Variants in SLC39A12 observed in about 807,000 individuals in gnomAD.
SLC39A12 encodes solute carrier family 39 member 12, also known as zinc transporter ZIP12.
In SLC39A12, 63 loss-of-function variants were observed where a neutral mutation model predicts 71.1. That is an observed-to-expected ratio of 0.89 (90% CI 0.72 to 1.09). The LOEUF (loss-of-function observed/expected upper bound fraction) is 1.09, where lower values mean the gene tolerates loss of function less well. Ranked by LOEUF, SLC39A12 falls within the 50% of genes least tolerant of loss-of-function variation. The pLI is 0.00. For missense variants in SLC39A12, 892 were observed against 812.6 expected (o/e 1.10, Z -1.19); for synonymous variants, 351 against 301.3 (o/e 1.16, Z -1.71).
At chr10:18,035,993 C>T (rs1340083562) in intron 12 of SLC39A12, among the ~76,000 whole-genome samples, 1 of 152,190 alleles carries the variant, frequency 6.6e-6, no homozygotes, top group African/African-American at 2.4e-5. Context: ...CTTGAGGAGG[C>T]AGTCTGCCGG....
chr10:17,993,871 A>C (rs1203297297), intron 9 of SLC39A12, among the ~76,000 whole-genome samples: 1 of 152,238 alleles, frequency 6.6e-6, no homozygotes, highest in Non-Finnish European at 1.5e-5. Context: ...AAGTATAGGA[A>C]TGGGAAAAAT....
chr10:18,040,596 C>A (rs971394344), intron 12 of SLC39A12, among the ~76,000 whole-genome samples: 3 of 151,868 alleles, frequency 2.0e-5, no homozygotes, highest in African/African-American at 7.3e-5. Context: ...ATGAAGAAAC[C>A]CTGTCTCTAC....
intron 12 of SLC39A12, among the ~76,000 whole-genome samples, chr10:18,028,543 C>T (rs1019352549): frequency 1.3e-5 from 2 of 152,018 alleles, no homozygotes; most frequent in Non-Finnish European, 2.9e-5. Context: ...TGTGGATCAT[C>T]CTTCTTTGTG....
intron 12 of SLC39A12, among the ~76,000 whole-genome samples, chr10:18,034,643 T>G (rs534177754): frequency 1.1e-4 from 16 of 152,000 alleles, no homozygotes; most frequent in African/African-American, 3.4e-4. Context: ...TTTAGTCCAT[T>G]TACATTTAAA....
At chr10:18,037,383 A>G (rs540238997) in intron 12 of SLC39A12, among the ~76,000 whole-genome samples, 21 of 152,000 alleles carry the variant, frequency 1.4e-4, no homozygotes, top group Admixed American at 1.0e-3. Flanking sequence ...ATAGACAAGG[A>G]TGAATTTCAG....
At chr10:18,024,312 C>A (rs894635516) in intron 12 of SLC39A12, among the ~76,000 whole-genome samples, 1 of 152,024 alleles carries the variant, frequency 6.6e-6, no homozygotes, top group African/African-American at 2.4e-5. Flanking sequence ...GCCTGAAAAG[C>A]GGCTCTGCCC....
At chr10:17,999,131 A>T (rs1022538010) in intron 10 of SLC39A12, among the ~76,000 whole-genome samples, 1 of 151,958 alleles carries the variant, frequency 6.6e-6, no homozygotes, top group Non-Finnish European at 1.5e-5. Context: ...CCCCGTCTCT[A>T]CTAAAAATAC....
intron 12 of SLC39A12, among the ~76,000 whole-genome samples, chr10:18,031,503 T>C (rs1353162623): frequency 7.8e-6 from 1 of 127,640 alleles, no homozygotes; most frequent in African/African-American, 2.9e-5. Context: ...TTGTTTGTTT[T>C]TTTCTTGTAA....
chr10:17,994,304 T>C (rs140116412), intron 9 of SLC39A12, among the ~76,000 whole-genome samples: 475 of 152,314 alleles, frequency 3.1e-3, no homozygotes, highest in Non-Finnish European at 4.8e-3. Context: ...AATATACGCA[T>C]AATTCCTCTT....
intron 12 of SLC39A12, among the ~76,000 whole-genome samples, chr10:18,021,015 T>G (rs1404326391): frequency 6.6e-6 from 1 of 152,142 alleles, no homozygotes; most frequent in Non-Finnish European, 1.5e-5. Flanking sequence ...TGCAATTGCT[T>G]TTGGAGTCTC....
chr10:17,984,897 G>A (rs1490559272), intron 6 of SLC39A12, among the ~76,000 whole-genome samples: 2 of 152,148 alleles, frequency 1.3e-5, no homozygotes, highest in Non-Finnish European at 1.5e-5. Context: ...GTGGTAGTGG[G>A]GGTACGGGAA....
At chr10:17,998,254 A>T (rs1835740131) in intron 10 of SLC39A12, among the ~76,000 whole-genome samples, 2 of 152,208 alleles carry the variant, frequency 1.3e-5, no homozygotes, top group South Asian at 4.2e-4. Flanking sequence ...ATGATCAGAG[A>T]TAACAAAATA....
rs934452515 is a variant in SLC39A12 at position 18,030,962 on chromosome 10, A to G, written c.1948-11743A>G. On this transcript the variant is annotated intron_variant, in intron 12 of 12. Transcript: ENST00000377369. The stretch of plus-strand genomic sequence containing the variant: ...GATTTCCAATTTCATCCACGTCCCT[A>G]CAAAGGACATGAACTCACCATTTTT... 4.6e-5 allele frequency among the ~76,000 whole-genome samples: 7 copies of G among 151,854 alleles called. No individual in the cohort carries two copies. The East Asian group carries it at 1.2e-3, about 25-fold the overall frequency.
chr10:17,990,959 G>A (rs17658805), intron 7 of SLC39A12, among the ~76,000 whole-genome samples, 192 bp from the exon 8 acceptor site: 46,453 of 152,036 alleles, frequency 0.31, 8,210 homozygotes, highest in Non-Finnish European at 0.4. Context: ...GACCCTGATT[G>A]AAGTGTATAG....
At chr10:17,990,526 G>A (rs1382145150) in intron 7 of SLC39A12, among the ~76,000 whole-genome samples, 1 of 152,120 alleles carries the variant, frequency 6.6e-6, no homozygotes, top group Admixed American at 6.5e-5. Context: ...AAGAAATCAT[G>A]AGGTTGACCA....
intron 12 of SLC39A12, among the ~76,000 whole-genome samples, chr10:18,021,379 T>C (rs533801941): frequency 6.6e-6 from 1 of 152,210 alleles, no homozygotes; most frequent in East Asian, 1.9e-4. Flanking sequence ...CCTTTCTTTT[T>C]GTCATTTTTG....
chr10:17,997,028 A>AAC (rs1196281432), intron 10 of SLC39A12, among the ~76,000 whole-genome samples: 2 of 151,496 alleles, frequency 1.3e-5, no homozygotes, highest in African/African-American at 2.4e-5. Flanking sequence ...GTCTCAAAAA[A>AAC]AAAAAAAAAG....
intron 12 of SLC39A12, among the ~76,000 whole-genome samples, chr10:18,040,463 C>T (rs773614257): frequency 8.6e-5 from 13 of 151,986 alleles, no homozygotes; most frequent in Non-Finnish European, 1.0e-4. Flanking sequence ...TGCTCCTCTC[C>T]ATGTACTTAA....
rs372406858 is a variant in SLC39A12 at position 18,020,251 on chromosome 10, A to G, written c.1947+16893A>G. Among the ~76,000 whole-genome samples the G allele has an allele frequency of 1.5e-4, 23 of 152,178 alleles. No homozygotes were observed. The East Asian group carries it at 3.5e-3, about 23-fold the overall frequency. Reference sequence around the variant, plus strand: ...TTTCTGTTCCTGTTTTAATTCACTTAGGATAACGGCCACCAGTTTCATCCA... The same window carrying G: ...TTTCTGTTCCTGTTTTAATTCACTTGGGATAACGGCCACCAGTTTCATCCA... On this transcript the variant is annotated intron_variant, in intron 12 of 12. Coordinates refer to ENST00000377369, the MANE Select transcript of SLC39A12 (RefSeq NM_001145195.2).
Sources: allele counts gnomAD v4.1 joint callset (sites outside exome capture counted in the v4.1 genomes callset), GRCh38; gene constraint gnomAD v4.1.1; transcripts MANE v1.5; gene names NCBI Gene and HGNC (gene_info 2026-07-23, HGNC 2026-07-21).